Variants in FXYD7 observed in about 807,000 individuals in gnomAD.
The protein encoded by FXYD7 is FXYD domain containing ion transport regulator 7, also known as FXYD domain-containing ion transport regulator 7.
FXYD7 carries 7 observed loss-of-function variants against 15.3 expected under a neutral mutation model. The observed-to-expected ratio is 0.46, with a 90% CI of 0.26 to 0.86. FXYD7 has a LOEUF of 0.86. FXYD7 is among the 40% of genes least tolerant of loss of function. The pLI is 0.16. For synonymous variants in FXYD7, 39 were observed against 39.3 expected (o/e 0.99, Z 0.03); for missense variants, 78 against 100.6 (o/e 0.78, Z 0.96).
chr19:35,148,607 T>C, intron 1 of FXYD7, 87 bp from the exon 2 acceptor site: 1 of 1,123,424 alleles, frequency 8.9e-7, no homozygotes, highest in South Asian at 1.6e-5. Flanking sequence ...ATTAGGCCAG[T>C]GGCTCCATCT....
chr19:35,153,839 G>C (rs1303088014), intron 5 of FXYD7, 55 bp from the exon 6 acceptor site: 3 of 1,569,098 alleles, frequency 1.9e-6, no homozygotes, highest in Non-Finnish European at 1.8e-6. Context: ...ACGAGCTGTG[G>C]GGAGGGAGGC....
chr19:35,152,645 C>T (rs532698760), intron 5 of FXYD7, among the ~76,000 whole-genome samples: 5 of 149,600 alleles, frequency 3.3e-5, no homozygotes, highest in Non-Finnish European at 7.4e-5. Context: ...GTGGAGAGGA[C>T]GGAGGTGTTG....
intron 5 of FXYD7, among the ~76,000 whole-genome samples, chr19:35,152,932 C>T (rs1568407620): frequency 4.3e-5 from 4 of 92,982 alleles, no homozygotes; most frequent in African/African-American, 8.0e-5. Context: ...TTATAAAGTT[C>T]TTATAACTAA....
intron 5 of FXYD7, 128 bp from the exon 6 acceptor site, chr19:35,153,766 T>C: frequency 1.2e-6 from 1 of 800,648 alleles, no homozygotes. Context: ...AGCTCCTCAG[T>C]GTTAGCTCTG....
chr19:35,153,043 T>G (rs1209091077), intron 5 of FXYD7, among the ~76,000 whole-genome samples: 6 of 118,758 alleles, frequency 5.1e-5, no homozygotes, highest in Non-Finnish European at 7.1e-5. Flanking sequence ...CTTTTTTTTT[T>G]TTTTTTTTTT....
chr19:35,146,332 T>C (rs1414121701), intron 1 of FXYD7, among the ~76,000 whole-genome samples: 1 of 152,126 alleles, frequency 6.6e-6, no homozygotes, highest in African/African-American at 2.4e-5. Flanking sequence ...ACAGATGGGG[T>C]TTCACCATAT....
intron 4 of FXYD7, 59 bp downstream of exon 4, chr19:35,151,541 G>A: frequency 6.3e-7 from 1 of 1,598,252 alleles, no homozygotes; most frequent in Non-Finnish European, 8.6e-7. Flanking sequence ...CTAGCAGATG[G>A]GCAGGATCCA....
intron 2 of FXYD7, among the ~76,000 whole-genome samples, chr19:35,150,601 G>A (rs1232875055): frequency 6.6e-6 from 1 of 152,158 alleles, no homozygotes; most frequent in Non-Finnish European, 1.5e-5. Context: ...TGGGGGAAGA[G>A]CTTTCAGGCT....
chr19:35,151,638 C>T lies in FXYD7; in HGVS notation c.185C>T (p.Thr62Ile). 1 of 1,613,110 alleles carries T rather than the reference C, an allele frequency of 6.2e-7. No individual in the cohort carries two copies. Among genetic ancestry groups the T allele is most frequent in the Non-Finnish European group, 8.5e-7 (1 of 1,179,096 alleles). The stretch of plus-strand genomic sequence containing the variant: ...TCTCATCTCTGCCTCCACAGCCCAA[C>T]CTGCAAATCCTGTAAGTCTGAGCTT... ...RKADSRSESP[T>I]CKSCKSELPS... The change falls in exon 5 of 6, where the codon ACC (threonine) becomes ATC (isoleucine). Residue 62 changes from threonine to isoleucine, a missense_variant. Thr to Ile is a moderately conservative substitution (Grantham distance 89). Transcript: ENST00000270310.
chr19:35,149,237 G>A (rs771891582), intron 2 of FXYD7: 23 of 352,776 alleles, frequency 6.5e-5, no homozygotes, highest in Non-Finnish European at 1.0e-4. Flanking sequence ...TCGGGCTCCA[G>A]TTTCCCCTCT....
At position 35,153,976 on chromosome 19, in the gene FXYD7, G is replaced by A; in HGVS notation, c.*60G>A. The A allele has an allele frequency of 1.3e-6, 2 of 1,541,544 alleles. No individual in the cohort carries two copies. The highest frequency in any genetic ancestry group is 1.8e-6 in the Non-Finnish European group (2 of 1,121,048). ...CTGAGCGCGGGAGCCTGAGGACCGG[G>A]TGGAGGCGGTGGGGACCCAGCCGCG... On this transcript the variant is annotated 3_prime_UTR_variant, in exon 6 of 6. Coordinates refer to ENST00000270310, the MANE Select transcript of FXYD7 (RefSeq NM_022006.2).
chr19:35,154,082 C>A lies in FXYD7; in HGVS notation c.*166C>A. The A allele has an allele frequency of 1.6e-6, 1 of 612,132 alleles. No individual in the cohort carries two copies. Among genetic ancestry groups the A allele is most frequent in the South Asian group, 2.0e-5 (1 of 51,212 alleles). 37.9% of individuals were successfully genotyped at this position (612,132 alleles called of 1,614,324 possible). A position where few individuals can be genotyped will look rare whatever the true frequency, so the allele number is the denominator to read the frequency against. On this transcript the variant is annotated 3_prime_UTR_variant, in exon 6 of 6. Transcript: ENST00000270310. Reference sequence around the variant, plus strand: ...TGCACCCTGCTGTCCCTCTCCAGGCCTTGGCAATGACGATCCCCCAAAGAG... The same window carrying A: ...TGCACCCTGCTGTCCCTCTCCAGGCATTGGCAATGACGATCCCCCAAAGAG...
At chr19:35,150,680 G>A (rs1251709285) in intron 2 of FXYD7, among the ~76,000 whole-genome samples, 3 of 152,160 alleles carry the variant, frequency 2.0e-5, no homozygotes, top group African/African-American at 7.2e-5. Context: ...CAGTGGGGAG[G>A]CCACTGTGGC....
intron 1 of FXYD7, among the ~76,000 whole-genome samples, chr19:35,146,209 C>T (rs1568405248): frequency 6.6e-6 from 1 of 152,106 alleles, no homozygotes; most frequent in East Asian, 1.9e-4. Flanking sequence ...ACGATCTTGG[C>T]TTACTGCAAC....
Position 35,143,693 on chromosome 19 carries a change from G to C in FXYD7, c.31+329G>C, listed in dbSNP as rs2065278294. 6.6e-6 allele frequency among the ~76,000 whole-genome samples: 1 copy of C among 152,210 alleles called. No homozygotes were observed. The highest frequency in any genetic ancestry group is 2.4e-5 in the African/African-American group (1 of 41,458). ...CAGACGGGGAAGAGATGAGCTTGCA[G>C]GGTGGGAGCGGGTGGGTCTGCGACC... On this transcript the variant is annotated intron_variant, in intron 1 of 5. Transcript: ENST00000270310. This position sits in a 1 kb window ranked among gnomAD's most constrained non-coding sequence, Gnocchi z 4.3.
Position 35,143,358 on chromosome 19 carries a change from A to T in FXYD7, c.25A>T (p.Thr9Ser). 6.6e-7 allele frequency: 1 copy of T among 1,520,382 alleles called. No homozygotes were observed. The highest frequency in any genetic ancestry group is 8.8e-7 in the Non-Finnish European group (1 of 1,135,700). 94.2% of individuals were successfully genotyped at this position (1,520,382 alleles called of 1,614,324 possible). A position where few individuals can be genotyped will look rare whatever the true frequency, so the allele number is the denominator to read the frequency against. ...CATGGCGACCCCGACCCAGACCCCC[A>T]CAAAGGGTGAGCGTCGTTTGGGGAG... MATPTQTP[T>S]KAPEEPDPFY... is the part of the protein sequence containing the mutation. The change falls in exon 1 of 6, where the codon ACA becomes TCA. Residue 9 changes from threonine to serine, a missense_variant. Coordinates refer to ENST00000270310, the MANE Select transcript of FXYD7 (RefSeq NM_022006.2). This position sits in a 1 kb window ranked among gnomAD's most constrained non-coding sequence, Gnocchi z 4.3.
At chr19:35,150,152 A>G (rs2065304418) in intron 2 of FXYD7, among the ~76,000 whole-genome samples, 1 of 152,180 alleles carries the variant, frequency 6.6e-6, no homozygotes, top group Admixed American at 6.5e-5. Context: ...CCTGACCTCA[A>G]GTGATCTGCC....
Position 35,151,472 on chromosome 19 carries a change from A to G in FXYD7, c.169A>G (p.Arg57Gly). ...KKVKCRKADS[R>G]SESPTCKSCK... ...GGTGAAGTGCAGGAAGGCGGACTCC[A>G]GGTCTGAGAGGTCTGGCAGCAGTGG... Residue 57 changes from arginine (R) to glycine (G), a missense_variant, in exon 4 of 6, where the codon AGG becomes GGG. Physicochemically the swap from Arg to Gly is moderately radical, Grantham distance 125. Transcript: ENST00000270310. 2 of 1,614,084 alleles carry G rather than the reference A, an allele frequency of 1.2e-6. No individual in the cohort carries two copies. Among genetic ancestry groups the G allele is most frequent in the Non-Finnish European group, 1.7e-6 (2 of 1,179,972 alleles).
At chr19:35,146,897 G>A (rs1299460506) in intron 1 of FXYD7, among the ~76,000 whole-genome samples, 2 of 152,146 alleles carry the variant, frequency 1.3e-5, no homozygotes, top group Admixed American at 6.6e-5. Flanking sequence ...TTGCTTTGGG[G>A]CCACCTCTAT....
Sources: gnomAD v4.1 joint callset for allele counts (sites outside exome capture counted in the v4.1 genomes callset) on GRCh38, gnomAD v4.1.1 for gene constraint, Gnocchi (gnomAD v3.1) non-coding constraint, MANE v1.5 for transcripts, NCBI Gene and HGNC (gene_info 2026-07-23, HGNC 2026-07-21) for gene names.